The following NRXN1 variants were observed in gnomAD, a reference collection of about 807,000 sequenced individuals.
The protein encoded by NRXN1 is neurexin 1.
A neutral mutation model predicts 150.9 loss-of-function variants in NRXN1; 39 were observed. The observed-to-expected ratio is 0.26, with a 90% confidence interval of 0.20 to 0.34. NRXN1 has a LOEUF of 0.34. Among genes scored for constraint, NRXN1 ranks in the 10% least tolerant of loss-of-function variants. The pLI, the probability that NRXN1 is intolerant of heterozygous loss-of-function variation, is 1.00. For missense variants in NRXN1, 1,815 were observed against 1,949.9 expected (o/e 0.93, Z 1.30); for synonymous variants, 924 against 757.0 (o/e 1.22, Z -3.62).
intron 8 of NRXN1, among the ~76,000 whole-genome samples, chr2:50,575,572 T>C (rs866728566): frequency 2.0e-5 from 3 of 152,204 alleles, no homozygotes; most frequent in African/African-American, 7.2e-5. Flanking sequence ...CCTAATTTTA[T>C]TAGATAAAAG....
chr2:50,323,571 C>CTA (rs149609146), intron 17 of NRXN1, among the ~76,000 whole-genome samples: 18,910 of 144,136 alleles, frequency 0.13, 1,339 homozygotes, highest in African/African-American at 0.2. Flanking sequence ...GGGAAATAAA[C>CTA]TATATATATA....
chr2:50,523,142 A>G (rs1048658164), intron 12 of NRXN1, among the ~76,000 whole-genome samples: 2 of 35,966 alleles, frequency 5.6e-5, no homozygotes, highest in African/African-American at 4.5e-4. Flanking sequence ...TTTACATGCA[A>G]TTTTTTTTGA....
intron 17 of NRXN1, among the ~76,000 whole-genome samples, chr2:50,429,010 T>C (rs377074705): frequency 6.6e-5 from 10 of 152,288 alleles, no homozygotes; most frequent in Admixed American, 3.9e-4. Context: ...CTACATTCTT[T>C]GACCATTGTT....
At chr2:50,056,935 T>C (rs1288702667) in intron 19 of NRXN1, among the ~76,000 whole-genome samples, 3 of 152,116 alleles carry the variant, frequency 2.0e-5, no homozygotes, top group African/African-American at 7.2e-5. Context: ...TTTTTCATGC[T>C]AGAGTCTTCC....
chr2:50,147,626 A>G (rs1032888299), intron 18 of NRXN1, among the ~76,000 whole-genome samples: 1 of 151,666 alleles, frequency 6.6e-6, no homozygotes, highest in African/African-American at 2.4e-5. Context: ...TGTGGAAAAA[A>G]CAAAACTACA....
At chr2:50,893,273 T>C (rs1167031123) in intron 5 of NRXN1, among the ~76,000 whole-genome samples, 1 of 152,184 alleles carries the variant, frequency 6.6e-6, no homozygotes, top group Non-Finnish European at 1.5e-5. Context: ...TAATACATTA[T>C]TAAAACTCTT....
intron 8 of NRXN1, among the ~76,000 whole-genome samples, chr2:50,565,886 C>T (rs921887042): frequency 6.6e-6 from 1 of 152,092 alleles, no homozygotes; most frequent in African/African-American, 2.4e-5. Flanking sequence ...GGGCAATGTC[C>T]CGAGTCAGGC....
intron 15 of NRXN1, among the ~76,000 whole-genome samples, chr2:50,482,643 G>C (rs1452946390): frequency 6.6e-6 from 1 of 152,112 alleles, no homozygotes; most frequent in Non-Finnish European, 1.5e-5. Context: ...TTTTGAACCA[G>C]AGTGACTCCA....
At chr2:50,069,846 GGTT>G (rs1254183731) in intron 19 of NRXN1, among the ~76,000 whole-genome samples, 7 of 66,306 alleles carry the variant, frequency 1.1e-4, no homozygotes, top group Admixed American at 4.6e-4. Flanking sequence ...AGATTTTGGG[GGTT>G]TTTTTTTTTT....
chr2:50,703,179 G>C (rs1346897612), intron 5 of NRXN1, among the ~76,000 whole-genome samples: 1 of 152,044 alleles, frequency 6.6e-6, no homozygotes, highest in Non-Finnish European at 1.5e-5. Flanking sequence ...AGGACAAACA[G>C]TTATAAGAAC....
rs534358468 is a variant in NRXN1 at position 50,511,593 on chromosome 2, A to G, written c.2375-4976T>C. 1.8e-3 allele frequency among the ~76,000 whole-genome samples: 273 copies of G among 152,294 alleles called. 1 individual carries two copies. The highest frequency in any genetic ancestry group is 3.3e-3 in the Non-Finnish European group (227 of 68,030). On this transcript the variant is annotated intron_variant, in intron 12 of 22. Transcript: ENST00000401669. ...ACAGATGGAAGTAGAAGCAGTAAAC[A>G]TTTCAGTTTTCCTTAATTCAGTGTA...
intron 2 of NRXN1, among the ~76,000 whole-genome samples, chr2:50,954,530 G>A (rs538973978): frequency 9.8e-5 from 15 of 152,318 alleles, no homozygotes; most frequent in African/African-American, 3.1e-4. Flanking sequence ...CTTGAAGGGA[G>A]TAAGCAATCA....
intron 8 of NRXN1, among the ~76,000 whole-genome samples, chr2:50,588,391 T>G (rs1396019571): frequency 6.6e-6 from 1 of 152,114 alleles, no homozygotes; most frequent in African/African-American, 2.4e-5. Context: ...ATTCTGCACC[T>G]CATGAAATCA....
At chr2:50,302,574 T>C (rs545118460) in intron 17 of NRXN1, among the ~76,000 whole-genome samples, 13 of 152,196 alleles carry the variant, frequency 8.5e-5, no homozygotes, top group Non-Finnish European at 1.8e-4. Context: ...GGAAAGCGTG[T>C]TGCAGTTTCG....
At chr2:50,960,270 G>A (rs1558493958) in intron 2 of NRXN1, among the ~76,000 whole-genome samples, 1 of 151,652 alleles carries the variant, frequency 6.6e-6, no homozygotes. Flanking sequence ...CTCTTCAAAG[G>A]ACTTAACAAC....
At chr2:50,438,794 A>T (rs553873775) in intron 17 of NRXN1, among the ~76,000 whole-genome samples, 27 of 152,342 alleles carry the variant, frequency 1.8e-4, no homozygotes, top group African/African-American at 6.3e-4. Context: ...ATATGCTTTA[A>T]ACTTCTACTA....
intron 5 of NRXN1, among the ~76,000 whole-genome samples, chr2:50,901,797 A>G (rs753013728): frequency 6.6e-6 from 1 of 152,234 alleles, no homozygotes; most frequent in Non-Finnish European, 1.5e-5. Context: ...CAAGTTCTTC[A>G]GTAAATGTGA....
In NRXN1 at chr2:50,074,680, C is replaced by G. The variant is rs145725087; in HGVS notation, c.3718+16643G>C. On this transcript the variant is annotated intron_variant, in intron 19 of 22. Coordinates refer to ENST00000401669, the MANE Select transcript of NRXN1 (RefSeq NM_001330078.2). ...GATTTGATAATCTTGACAAATTGGT[C>G]TCTTGAGCTCTATAGAATTAGAACA... is the stretch of plus-strand genomic sequence containing the variant. Among the ~76,000 whole-genome samples, 32 of 152,276 alleles carry G rather than the reference C, an allele frequency of 2.1e-4. No homozygotes were observed. The East Asian group carries it at 6.0e-3, about 28-fold the overall frequency.
At chr2:50,072,083 A>G (rs1696369071) in intron 19 of NRXN1, among the ~76,000 whole-genome samples, 2 of 152,228 alleles carry the variant, frequency 1.3e-5, no homozygotes, top group African/African-American at 2.4e-5. Context: ...ATTAATGTAT[A>G]TAGAACAACT....
Sources: allele counts gnomAD v4.1 joint callset (sites outside exome capture counted in the v4.1 genomes callset), GRCh38; gene constraint gnomAD v4.1.1; transcripts MANE v1.5; gene names NCBI Gene and HGNC (gene_info 2026-07-23, HGNC 2026-07-21).